The following SLCO1B3 variants were observed in gnomAD, a reference collection of about 807,000 sequenced individuals.
SLCO1B3 encodes the protein solute carrier organic anion transporter family member 1B3.
A neutral mutation model predicts 71.8 loss-of-function variants in SLCO1B3; 72 were observed. The ratio of observed to expected loss-of-function variants is 1.00; its 90% CI spans 0.83 to 1.22. The LOEUF is 1.22. Among genes scored for constraint, SLCO1B3 ranks in the 50% most tolerant of loss-of-function variants. The pLI, the probability that SLCO1B3 is intolerant of heterozygous loss-of-function variation, is 0.00. For missense variants in SLCO1B3, 911 were observed against 819.7 expected (o/e 1.11, Z -1.36); for synonymous variants, 298 against 278.4 (o/e 1.07, Z -0.70).
chr12:20,895,344 T>C (rs1187785188), intron 13 of SLCO1B3, among the ~76,000 whole-genome samples: 1 of 152,124 alleles, frequency 6.6e-6, no homozygotes, highest in Non-Finnish European at 1.5e-5. Flanking sequence ...TATGCACTTG[T>C]AAAAACAAAA....
chr12:20,860,885 T>C (rs1197198107), intron 5 of SLCO1B3, 132 bp from the exon 6 acceptor site: 1 of 918,424 alleles, frequency 1.1e-6, no homozygotes, highest in African/African-American at 1.6e-5. Flanking sequence ...TGCTGGGAAG[T>C]TGACAAACAA....
chr12:20,905,951 GGA>G (rs1866236442), intron 15 of SLCO1B3, among the ~76,000 whole-genome samples: 1 of 152,092 alleles, frequency 6.6e-6, no homozygotes, highest in African/African-American at 2.4e-5. Context: ...GGTGGAAGGG[GGA>G]AGCAAGTCAT....
At chr12:20,855,978 T>C (rs1027200266) in intron 4 of SLCO1B3, among the ~76,000 whole-genome samples, 4 of 152,108 alleles carry the variant, frequency 2.6e-5, no homozygotes, top group Non-Finnish European at 5.9e-5. Flanking sequence ...TACACAATGC[T>C]TAACTAATGA....
chr12:20,817,656 C>T (rs774005400), intron 3 of SLCO1B3, among the ~76,000 whole-genome samples: 35 of 152,118 alleles, frequency 2.3e-4, no homozygotes, highest in African/African-American at 8.4e-4. Flanking sequence ...GGCATGATCT[C>T]GGCTCACTGC....
intron 15 of SLCO1B3, among the ~76,000 whole-genome samples, chr12:20,910,596 A>C (rs927357382): frequency 6.6e-6 from 1 of 152,194 alleles, no homozygotes; most frequent in Non-Finnish European, 1.5e-5. Flanking sequence ...TGAACATGGA[A>C]TATCACTTCA....
chr12:20,860,702 T>A, intron 5 of SLCO1B3, among the ~76,000 whole-genome samples: 1 of 149,670 alleles, frequency 6.7e-6, no homozygotes, highest in African/African-American at 2.5e-5. Context: ...ATAGACATAG[T>A]TAACAGATAA....
chr12:20,900,468 T>C (rs1866106713), intron 14 of SLCO1B3, among the ~76,000 whole-genome samples: 1 of 152,152 alleles, frequency 6.6e-6, no homozygotes, highest in Non-Finnish European at 1.5e-5. Flanking sequence ...TTACCTATTC[T>C]TAAAACTAGG....
At chr12:20,844,130 G>A (rs943359681) in intron 3 of SLCO1B3, among the ~76,000 whole-genome samples, 2 of 151,350 alleles carry the variant, frequency 1.3e-5, no homozygotes, top group African/African-American at 4.9e-5. Flanking sequence ...TAGTATATAA[G>A]TTGTGTGTAT....
chr12:20,900,377 C>T (rs1205931888), intron 14 of SLCO1B3, among the ~76,000 whole-genome samples: 1 of 152,010 alleles, frequency 6.6e-6, no homozygotes, highest in East Asian at 1.9e-4. Flanking sequence ...AGAACAAGAA[C>T]AAAGTAAAAT....
intron 15 of SLCO1B3, among the ~76,000 whole-genome samples, chr12:20,909,634 T>C (rs1866333864): frequency 6.6e-6 from 1 of 152,198 alleles, no homozygotes; most frequent in South Asian, 2.1e-4. Context: ...TTTGAAAATA[T>C]TTTCTCTCAG....
chr12:20,852,300 G>A (rs1741954758), intron 3 of SLCO1B3, among the ~76,000 whole-genome samples: 2 of 152,036 alleles, frequency 1.3e-5, no homozygotes, highest in South Asian at 4.1e-4. Context: ...AAGCAACACA[G>A]CAAGATGCCA....
At chr12:20,877,650 G>A (rs4149136) in intron 9 of SLCO1B3, 122 bp from the exon 10 acceptor site, 20,892 of 387,868 alleles carry the variant, frequency 0.054, 833 homozygotes, top group East Asian at 0.15. Flanking sequence ...CAAAGGTCGC[G>A]ACTCTCTTAG....
At chr12:20,818,339 C>G (rs79559372) in intron 3 of SLCO1B3, among the ~76,000 whole-genome samples, 9 of 152,088 alleles carry the variant, frequency 5.9e-5, no homozygotes, top group Non-Finnish European at 1.2e-4. Flanking sequence ...AAGGGCTGGT[C>G]TTTTATCAGA....
At chr12:20,870,182 A>G (rs556888640) in intron 8 of SLCO1B3, among the ~76,000 whole-genome samples, 2 of 152,256 alleles carry the variant, frequency 1.3e-5, no homozygotes, top group South Asian at 2.1e-4. Flanking sequence ...TCAGGCAATT[A>G]TATTTTTTTG....
At chr12:20,826,576 C>A (rs1864426758) in intron 3 of SLCO1B3, among the ~76,000 whole-genome samples, 1 of 150,456 alleles carries the variant, frequency 6.6e-6, no homozygotes, top group South Asian at 2.1e-4. Flanking sequence ...CTCATAAATC[C>A]TCTTCTTACA....
intron 4 of SLCO1B3, among the ~76,000 whole-genome samples, chr12:20,856,436 C>T (rs138844062): frequency 9.2e-5 from 14 of 152,050 alleles, no homozygotes; most frequent in African/African-American, 2.7e-4. Context: ...CGAATAAAAA[C>T]AACATAGAAT....
intron 3 of SLCO1B3, among the ~76,000 whole-genome samples, chr12:20,819,784 G>A (rs1864258812): frequency 6.6e-6 from 1 of 152,120 alleles, no homozygotes; most frequent in Non-Finnish European, 1.5e-5. Flanking sequence ...GGGTGATTAG[G>A]TTTTAATGAG....
intron 3 of SLCO1B3, among the ~76,000 whole-genome samples, chr12:20,842,095 C>T (rs7965497): frequency 0.022 from 3,394 of 152,016 alleles, 124 homozygotes; most frequent in African/African-American, 0.077. Context: ...TGGGTTTCAC[C>T]GTATTGGTCA....
rs141147177 is a variant in SLCO1B3 at position 20,899,943 on chromosome 12, T to C, written c.1748-1407T>C. Among the ~76,000 whole-genome samples the C allele has an allele frequency of 2.0e-5, 3 of 152,292 alleles. No individual in the cohort carries two copies. In the East Asian group the frequency reaches 5.8e-4, roughly 29 times the overall value. ...TCATGAACAATTGTCTTAAATATGA[T>C]ATATGTGTAAATGGTAGAAGACCTA... is the stretch of plus-strand genomic sequence containing the variant. On this transcript the variant is annotated intron_variant, in intron 14 of 15. Transcript: ENST00000381545.
Sources: allele counts gnomAD v4.1 joint callset (sites outside exome capture counted in the v4.1 genomes callset), GRCh38; gene constraint gnomAD v4.1.1; transcripts MANE v1.5; gene names NCBI Gene and HGNC (gene_info 2026-07-23, HGNC 2026-07-21).